Variants in MIIP observed in about 807,000 individuals in gnomAD.
The protein encoded by MIIP is migration and invasion-inhibitory protein.
Under a neutral mutation model 44.8 loss-of-function variants are expected in MIIP, and 44 were observed. That is an observed-to-expected ratio of 0.98 (90% CI 0.77 to 1.26). MIIP has a LOEUF of 1.26. MIIP is among the 50% of genes most tolerant of loss of function. MIIP has a pLI of 0.00. For synonymous variants in MIIP, 225 were observed against 218.3 expected, an observed-to-expected ratio of 1.03 and a Z score of -0.27; for missense variants, 496 against 511.7, an observed-to-expected ratio of 0.97 and a Z score of 0.30.
chr1:12,024,782 C>A (rs1046078066), intron 4 of MIIP, among the ~76,000 whole-genome samples: 3 of 152,186 alleles, frequency 2.0e-5, no homozygotes, highest in African/African-American at 7.2e-5. Flanking sequence ...ATCATTACTA[C>A]CATCCACCTC....
Position 12,021,721 on chromosome 1 carries a change from C to T in MIIP, c.-6C>T. 1 of 1,611,984 alleles carries T rather than the reference C, an allele frequency of 6.2e-7. No individual in the cohort carries two copies. Among genetic ancestry groups the T allele is most frequent in the Non-Finnish European group, 8.5e-7 (1 of 1,179,600 alleles). ...GGCAAGTGACACCTGCTGAGAGAGG[C>T]CCAGGATGGTGGAGGCTGAGGAACT... On this transcript the variant is annotated 5_prime_UTR_variant, in exon 2 of 10. Transcript: ENST00000235332.
intron 4 of MIIP, among the ~76,000 whole-genome samples, chr1:12,025,986 G>A (rs1385784238): frequency 6.6e-6 from 1 of 152,036 alleles, no homozygotes; most frequent in East Asian, 2.0e-4. Context: ...ACATAATGGG[G>A]TGGCCACAGG....
At position 12,031,352 on chromosome 1, in the gene MIIP, C is replaced by T. The variant is rs566927318; in HGVS notation, c.1029C>T (p.Ser343=). Residue 343 remains serine (S), a synonymous_variant, in exon 9 of 10, where the codon TCC becomes TCT. Coordinates refer to ENST00000235332, the MANE Select transcript of MIIP (RefSeq NM_021933.4). The part of the protein sequence containing the change: ...PRNLDLWSSV[S]AEAQHQKLSG... ...ACCTGGACCTCTGGTCCTCTGTCTC[C>T]GCTGAGGCCCAGCACCAGAAGCTGT... 3.3e-5 allele frequency: 54 copies of T among 1,613,936 alleles called. No individual in the cohort carries two copies. Among genetic ancestry groups the T allele is most frequent in the Admixed American group, 1.8e-4 (11 of 60,004 alleles).
Position 12,021,837 on chromosome 1 carries a change from G to T in MIIP, c.111G>T (p.Ser37=), listed in dbSNP as rs557549417. The change falls in exon 2 of 10, where the codon TCG becomes TCT. Residue 37 remains serine, a synonymous_variant. Coordinates refer to ENST00000235332, the MANE Select transcript of MIIP (RefSeq NM_021933.4). ...AVRRSVARAA[S]ESSLESSSSY... The stretch of plus-strand genomic sequence containing the variant: ...GGCGGTCAGTGGCCAGGGCAGCCTC[G>T]GAGGTGCGTGCCCGCCTTGGGAACC... 1.2e-6 allele frequency: 2 copies of T among 1,603,770 alleles called. No homozygotes were observed. Among genetic ancestry groups the T allele is most frequent in the South Asian group, 2.2e-5 (2 of 90,182 alleles).
At chr1:12,029,585 C>T in intron 6 of MIIP, 180 bp from the exon 7 acceptor site, 2 of 884,506 alleles carry the variant, frequency 2.3e-6, no homozygotes, top group East Asian at 2.7e-5. Flanking sequence ...GATGTCCCTC[C>T]CCACCCCTTA....
chr1:12,024,199 T>C (rs1336787546), intron 4 of MIIP: 2 of 152,172 alleles, frequency 1.3e-5, no homozygotes, highest in African/African-American at 4.8e-5. Context: ...AATGAATGAA[T>C]GAGTCCCAGC....
intron 4 of MIIP, 64 bp from the exon 5 acceptor site, chr1:12,028,969 C>T (rs780704108): frequency 4.0e-5 from 54 of 1,356,886 alleles, no homozygotes; most frequent in South Asian, 1.4e-4. Flanking sequence ...AAGCCTTGGC[C>T]GGTGGCCACA....
chr1:12,028,675 G>GT (rs746605896), intron 4 of MIIP: 6,922 of 183,674 alleles, frequency 0.038, 4 homozygotes, highest in South Asian at 0.073. Context: ...TGTATCACGG[G>GT]TTTTTTTTTT....
At chr1:12,028,866 C>T (rs1640160350) in intron 4 of MIIP, 167 bp from the exon 5 acceptor site, 2 of 608,720 alleles carry the variant, frequency 3.3e-6, no homozygotes, top group Non-Finnish European at 5.9e-6. Context: ...AACCAACCAA[C>T]AGTCCCAGTG....
intron 8 of MIIP, 55 bp downstream of exon 8, chr1:12,030,179 C>A: frequency 1.3e-6 from 2 of 1,531,478 alleles, no homozygotes; most frequent in Non-Finnish European, 1.8e-6. Context: ...CTCAGACTGG[C>A]CCAGATCCCC....
At chr1:12,020,053 C>G (rs893098377) in intron 1 of MIIP, among the ~76,000 whole-genome samples, 1 of 152,228 alleles carries the variant, frequency 6.6e-6, no homozygotes, top group Non-Finnish European at 1.5e-5. Flanking sequence ...CCTGAGGATC[C>G]TTGGAGGTGG....
rs112673597 is a variant in MIIP, at chr1:12,026,031, A to C, written c.548-3002A>C. 5.7e-4 allele frequency among the ~76,000 whole-genome samples: 85 copies of C among 150,368 alleles called. 2 individuals carry two copies. The highest frequency in any genetic ancestry group is 1.9e-3 in the African/African-American group (79 of 41,128). ...ACCAGAAAGGAGGCCACGACCAGGC[A>C]TGGTGGCTCACGCCTGTAATCCCAG... On this transcript the variant is annotated intron_variant, in intron 4 of 9. Coordinates refer to ENST00000235332, the MANE Select transcript of MIIP (RefSeq NM_021933.4).
chr1:12,029,470 C>T, intron 6 of MIIP, 189 bp downstream of exon 6: 2 of 729,008 alleles, frequency 2.7e-6, no homozygotes, highest in Non-Finnish European at 4.4e-6. Flanking sequence ...TGAGCTAAGG[C>T]CTGGCCACCG....
chr1:12,022,150 C>G lies in MIIP; in HGVS notation c.170C>G (p.Thr57Arg). The change falls in exon 3 of 10, where the codon ACG becomes AGG. Residue 57 changes from threonine (T) to arginine (R), a missense_variant. Physicochemically the swap from Thr to Arg is moderately conservative, Grantham distance 71. Transcript: ENST00000235332. Reference protein sequence around the residue: ...YNSETPSTPETSSTSLSTSCP... With the variant: ...YNSETPSTPERSSTSLSTSCP... Reference sequence around the variant, plus strand: ...TCAGAGACTCCATCGACCCCAGAGACGTCCTCAACTTCCTTGAGCACCTCC... The same window carrying G: ...TCAGAGACTCCATCGACCCCAGAGAGGTCCTCAACTTCCTTGAGCACCTCC... 1 of 1,614,048 alleles carries G rather than the reference C, an allele frequency of 6.2e-7. No homozygotes were observed. Among genetic ancestry groups the G allele is most frequent in the Non-Finnish European group, 8.5e-7 (1 of 1,179,994 alleles).
At chr1:12,029,378 TGGGG>T in intron 6 of MIIP, 97 bp downstream of exon 6, 2 of 1,332,416 alleles carry the variant, frequency 1.5e-6, no homozygotes, top group Non-Finnish European at 2.1e-6. Context: ...GTTTGGGGCC[TGGGG>T]AGGCCCCTGA....
Position 12,021,528 on chromosome 1 carries a change from A to G in MIIP, c.-82-117A>G, listed in dbSNP as rs916550448. 23 of 580,372 alleles carry G rather than the reference A, an allele frequency of 4.0e-5. 1 individual carries two copies. The Admixed American group carries it at 6.9e-4, about 17-fold the overall frequency. The allele number at this position is 580,372 out of a possible 1,614,324, so 36.0% of individuals were successfully genotyped here. ...TGTCGTCCAGCAGATGAGGAAACTG[A>G]GGCACAGAGAAGTTAAATAACTTGC... On this transcript the variant is annotated intron_variant, in intron 1 of 9. Coordinates refer to ENST00000235332, the MANE Select transcript of MIIP (RefSeq NM_021933.4).
intron 4 of MIIP, among the ~76,000 whole-genome samples, chr1:12,025,435 A>T (rs1640086969): frequency 6.6e-6 from 1 of 152,162 alleles, no homozygotes; most frequent in Non-Finnish European, 1.5e-5. Flanking sequence ...CTGTTCATTC[A>T]GGGATGGACA....
rs113108539 is a variant in MIIP at position 12,025,969 on chromosome 1, A to G, written c.547+3052A>G. ...CGCCTTGGCCTCCCAAAGTGCTGGG[A>G]TTACACACATAATGGGGTGGCCACA... is the stretch of plus-strand genomic sequence containing the variant. On this transcript the variant is annotated intron_variant, in intron 4 of 9. Transcript: ENST00000235332. Among the ~76,000 whole-genome samples, 8 of 151,112 alleles carry G rather than the reference A, an allele frequency of 5.3e-5. 1 individual carries two copies. Among genetic ancestry groups the G allele is most frequent in the African/African-American group, 1.9e-4 (8 of 41,330 alleles).
chr1:12,031,147 C>A, intron 8 of MIIP, 119 bp from the exon 9 acceptor site: 1 of 1,275,284 alleles, frequency 7.8e-7, no homozygotes, highest in South Asian at 1.5e-5. Flanking sequence ...AGACACAGGC[C>A]CTGCCTTGGT....
Sources: gnomAD v4.1 joint callset for allele counts (sites outside exome capture counted in the v4.1 genomes callset) on GRCh38, gnomAD v4.1.1 for gene constraint, MANE v1.5 for transcripts, NCBI Gene and HGNC (gene_info 2026-07-23, HGNC 2026-07-21) for gene names.